Variants in PTPRG observed in about 807,000 individuals in gnomAD.
PTPRG encodes the protein receptor-type tyrosine-protein phosphatase gamma.
A neutral mutation model predicts 165.3 loss-of-function variants in PTPRG; 102 were observed. The observed-to-expected ratio is 0.62, with a 90% confidence interval of 0.53 to 0.73. The LOEUF (loss-of-function observed/expected upper bound fraction) is 0.73, where lower values mean the gene tolerates loss of function less well. PTPRG is among the 30% of genes least tolerant of loss of function. PTPRG has a pLI of 0.00. For synonymous variants in PTPRG, 675 were observed against 669.5 expected, an observed-to-expected ratio of 1.01 and a Z score of -0.13; for missense variants, 1,866 against 1,861.4, an observed-to-expected ratio of 1.00 and a Z score of -0.05.
At chr3:61,854,151 C>CT (rs1270478757) in intron 2 of PTPRG, among the ~76,000 whole-genome samples, 2 of 152,166 alleles carry the variant, frequency 1.3e-5, no homozygotes, top group Non-Finnish European at 2.9e-5. Flanking sequence ...CCCTGTGCTG[C>CT]TAGAAGGTAG....
chr3:61,781,107 A>G (rs749208119), intron 2 of PTPRG, among the ~76,000 whole-genome samples: 3 of 152,216 alleles, frequency 2.0e-5, no homozygotes, highest in African/African-American at 7.2e-5. Context: ...TATTAAAAGG[A>G]GTTGGATAGG....
At chr3:61,631,298 C>T (rs369675978) in intron 1 of PTPRG, among the ~76,000 whole-genome samples, 7 of 152,170 alleles carry the variant, frequency 4.6e-5, no homozygotes, top group Middle Eastern at 3.4e-3. Flanking sequence ...CCCTTATCTG[C>T]GGTTTTGCTT....
intron 15 of PTPRG, among the ~76,000 whole-genome samples, chr3:62,253,424 TGGTTA>T (rs1185213147): frequency 2.6e-5 from 4 of 152,190 alleles, no homozygotes; most frequent in Non-Finnish European, 5.9e-5. Flanking sequence ...AGTGATTCTG[TGGTTA>T]GGTTGTGTCC....
At chr3:61,578,680 CAGTT>C (rs1026714898) in intron 1 of PTPRG, among the ~76,000 whole-genome samples, 4 of 152,228 alleles carry the variant, frequency 2.6e-5, no homozygotes, top group East Asian at 1.9e-4. Context: ...TCTGAGAAAA[CAGTT>C]AGGTCTGCCC....
At chr3:61,671,806 C>T (rs1479614051) in intron 1 of PTPRG, among the ~76,000 whole-genome samples, 1 of 137,872 alleles carries the variant, frequency 7.3e-6, no homozygotes, top group African/African-American at 2.9e-5. Context: ...GGGCGGCTGG[C>T]CGGGCAGAGG....
chr3:62,112,275 T>A (rs1702696705), intron 5 of PTPRG, among the ~76,000 whole-genome samples: 1 of 152,052 alleles, frequency 6.6e-6, no homozygotes, highest in South Asian at 2.1e-4. Flanking sequence ...CAGCTAATTT[T>A]TGTATTTTTA....
At chr3:62,276,076 C>T (rs542772656) in intron 24 of PTPRG, 110 bp downstream of exon 24, 51 of 711,180 alleles carry the variant, frequency 7.2e-5, no homozygotes, top group African/African-American at 6.4e-4. Flanking sequence ...TTGTACTGTA[C>T]GTGGCCGTAT....
At chr3:62,189,408 G>A (rs976930358) in intron 8 of PTPRG, among the ~76,000 whole-genome samples, 10 of 152,196 alleles carry the variant, frequency 6.6e-5, no homozygotes, top group Middle Eastern at 6.8e-3. Context: ...TAGGAAATAC[G>A]GGAGTCTGGT....
At chr3:62,247,364 G>A (rs548615664) in intron 15 of PTPRG, among the ~76,000 whole-genome samples, 1 of 152,068 alleles carries the variant, frequency 6.6e-6, no homozygotes, top group African/African-American at 2.4e-5. Context: ...TCCTCATTTG[G>A]ATATTGATTC....
chr3:61,918,587 T>G (rs2038999932), intron 2 of PTPRG, among the ~76,000 whole-genome samples: 1 of 152,206 alleles, frequency 6.6e-6, no homozygotes, highest in Non-Finnish European at 1.5e-5. Flanking sequence ...TTATATTTAG[T>G]AAAAGCCATA....
intron 7 of PTPRG, among the ~76,000 whole-genome samples, chr3:62,160,821 A>G (rs1207526444): frequency 6.6e-6 from 1 of 151,244 alleles, no homozygotes; most frequent in Non-Finnish European, 1.5e-5. Context: ...AAAGGCAATA[A>G]ATAAGTCTGA....
At chr3:62,046,470 A>T in intron 4 of PTPRG, among the ~76,000 whole-genome samples, 1 of 152,214 alleles carries the variant, frequency 6.6e-6, no homozygotes, top group East Asian at 1.9e-4. Context: ...AGCCTGTGCC[A>T]AACCTCACTA....
intron 2 of PTPRG, among the ~76,000 whole-genome samples, chr3:61,842,706 A>G (rs983170037): frequency 6.6e-6 from 1 of 150,744 alleles, no homozygotes; most frequent in Admixed American, 6.6e-5. Context: ...AAAAAAAAGA[A>G]AAAGAAAAAG....
At chr3:62,272,213 TTG>T (rs1702090622) in intron 21 of PTPRG, among the ~76,000 whole-genome samples, 1 of 152,212 alleles carries the variant, frequency 6.6e-6, no homozygotes, top group Non-Finnish European at 1.5e-5. Flanking sequence ...AGAATAGAGA[TTG>T]TGTTTTTGTA....
chr3:62,075,006 C>T (rs549092650), intron 4 of PTPRG, among the ~76,000 whole-genome samples: 27 of 152,204 alleles, frequency 1.8e-4, no homozygotes, highest in South Asian at 4.1e-4. Context: ...CAAATATTAC[C>T]GTAATTTGTT....
chr3:62,241,558 C>G (rs1418279574), intron 14 of PTPRG, among the ~76,000 whole-genome samples: 1 of 152,070 alleles, frequency 6.6e-6, no homozygotes, highest in African/African-American at 2.4e-5. Context: ...TCAGTACACA[C>G]TGCTTTTTTC....
At position 62,124,747 on chromosome 3, in the gene PTPRG, C is replaced by G. The variant is rs983745288; in HGVS notation, c.616-7855C>G. ...ACTGGCTAATTTTTAAAATTCTTTT[C>G]TAGAGATGTTGTGTTGCCCAGGCTG... On this transcript the variant is annotated intron_variant, in intron 5 of 29. Coordinates refer to ENST00000474889, the MANE Select transcript of PTPRG (RefSeq NM_002841.4). 2.8e-5 allele frequency: 14 copies of G among 504,344 alleles called. No homozygotes were observed. The East Asian group carries it at 4.9e-4, about 18-fold the overall frequency. The allele number at this position is 504,344 out of a possible 1,614,324, so 31.2% of individuals were successfully genotyped here. A position where few individuals can be genotyped will look rare whatever the true frequency, so the allele number is the denominator to read the frequency against.
chr3:61,703,500 T>C (rs763676460), intron 1 of PTPRG, among the ~76,000 whole-genome samples: 27 of 152,172 alleles, frequency 1.8e-4, no homozygotes, highest in Non-Finnish European at 3.4e-4. Context: ...CCAAAAATGG[T>C]ATTTCTAAGG....
chr3:61,770,944 T>G (rs1187189960), intron 2 of PTPRG: 1 of 152,170 alleles, frequency 6.6e-6, no homozygotes, highest in Non-Finnish European at 1.5e-5. Flanking sequence ...GGGATTTTTC[T>G]CCCTTCCTTC....
Sources: allele counts gnomAD v4.1 joint callset (sites outside exome capture counted in the v4.1 genomes callset), GRCh38; gene constraint gnomAD v4.1.1; transcripts MANE v1.5; gene names NCBI Gene and HGNC (gene_info 2026-07-23, HGNC 2026-07-21).